Variants in CLIC5 observed in about 807,000 individuals in gnomAD.
CLIC5 encodes CLIC family member 5, also known as chloride intracellular channel protein 5.
Under a neutral mutation model 24.7 loss-of-function variants are expected in CLIC5, and 20 were observed. The observed-to-expected ratio is 0.81, with a 90% CI of 0.57 to 1.18. The LOEUF (loss-of-function observed/expected upper bound fraction) is 1.18. Ranked by LOEUF, CLIC5 falls within the 50% of genes most tolerant of loss-of-function variation. The probability of loss-of-function intolerance (pLI) is 0.00; values close to 1 mark genes in which losing one functional copy is unlikely to be tolerated. For missense variants in CLIC5, 341 were observed against 326.1 expected, an observed-to-expected ratio of 1.05 and a Z score of -0.35; for synonymous variants, 159 against 135.6, an observed-to-expected ratio of 1.17 and a Z score of -1.20.
upstream of CLIC5, among the ~76,000 whole-genome samples, chr6:46,017,845 C>T (rs753484637): frequency 1.3e-5 from 2 of 152,222 alleles, no homozygotes; most frequent in East Asian, 3.8e-4. Context: ...GATGTCCTCA[C>T]TACCCTTTAT....
At chr6:45,906,270 G>A (rs921350967) in intron 5 of CLIC5, among the ~76,000 whole-genome samples, 4 of 152,130 alleles carry the variant, frequency 2.6e-5, no homozygotes, top group Admixed American at 6.5e-5. Context: ...TAGATTGATA[G>A]GAATGGCATT....
the CLIC5 span, among the ~76,000 whole-genome samples, chr6:46,125,099 A>G: frequency 6.6e-6 from 1 of 152,348 alleles, no homozygotes; most frequent in Non-Finnish European, 1.5e-5. Context: ...AGGATTATAA[A>G]TCATGTTGCT....
rs1262233205 is a variant in CLIC5, at chr6:45,910,197, C to A, written c.588+4031G>T. The stretch of plus-strand genomic sequence containing the variant: ...ATCACAGGTTCTTCACTTCTGTACT[C>A]CTTGATAATCTCAATAATGATGTTG... On this transcript the variant is annotated intron_variant, in intron 5 of 5. Coordinates refer to ENST00000339561, the MANE Select transcript of CLIC5 (RefSeq NM_016929.5). 2.0e-5 allele frequency among the ~76,000 whole-genome samples: 3 copies of A among 152,150 alleles called. No homozygotes were observed. The East Asian group carries it at 5.8e-4, about 29-fold the overall frequency.
intron 5 of CLIC5, among the ~76,000 whole-genome samples, chr6:45,910,031 T>C (rs1358018135): frequency 6.6e-6 from 1 of 152,198 alleles, no homozygotes; most frequent in Non-Finnish European, 1.5e-5. Context: ...TTCACAGACA[T>C]CTGGGAACAT....
At chr6:45,913,030 C>T (rs1015795189) in intron 5 of CLIC5, among the ~76,000 whole-genome samples, 3 of 152,164 alleles carry the variant, frequency 2.0e-5, no homozygotes, top group Non-Finnish European at 2.9e-5. Flanking sequence ...GGGACTTGAG[C>T]TGAAAAATAA....
intron 1 of CLIC5, among the ~76,000 whole-genome samples, chr6:46,060,957 T>C (rs992933799): frequency 6.6e-6 from 1 of 152,224 alleles, no homozygotes; most frequent in African/African-American, 2.4e-5. Context: ...CAACTTGGAC[T>C]GTTTTCTTAT....
In CLIC5 at chr6:45,930,822, T is replaced by G. The variant is rs182421201; in HGVS notation, c.406+10725A>C. 1.4e-4 allele frequency among the ~76,000 whole-genome samples: 21 copies of G among 152,332 alleles called. No homozygotes were observed. The East Asian group carries it at 2.3e-3, about 17-fold the overall frequency. The stretch of plus-strand genomic sequence containing the variant: ...TATGCATTAATTCATCTAATTAACA[T>G]GACAAATCTTCAAGAGAGGGTGCTA... On this transcript the variant is annotated intron_variant, in intron 4 of 5. Transcript: ENST00000339561.
intron 1 of CLIC5, among the ~76,000 whole-genome samples, chr6:46,065,547 G>C (rs1052104860): frequency 1.3e-5 from 2 of 151,996 alleles, no homozygotes; most frequent in Admixed American, 6.6e-5. Context: ...TGCATAAAAA[G>C]TTGTAGCACA....
At chr6:45,998,512 C>T (rs564926898) in intron 1 of CLIC5, among the ~76,000 whole-genome samples, 15 of 152,316 alleles carry the variant, frequency 9.8e-5, no homozygotes, top group African/African-American at 3.4e-4. Context: ...CCACAAAAAC[C>T]TTTCTATGGA....
At chr6:46,010,817 T>TTATTGAC (rs1430845844) in intron 1 of CLIC5, among the ~76,000 whole-genome samples, 3 of 152,304 alleles carry the variant, frequency 2.0e-5, no homozygotes, top group African/African-American at 7.2e-5. Flanking sequence ...GTGTATTGCG[T>TTATTGAC]TATTGACTAC....
intron 1 of CLIC5, among the ~76,000 whole-genome samples, chr6:46,048,166 T>C (rs1167252365): frequency 6.6e-6 from 1 of 151,962 alleles, no homozygotes; most frequent in Non-Finnish European, 1.5e-5. Context: ...CCACGCCTGG[T>C]TAATTTTTGT....
chr6:45,958,453 T>C (rs1225629523), intron 1 of CLIC5, among the ~76,000 whole-genome samples: 7,109 of 20,278 alleles, frequency 0.35, 1,223 homozygotes, highest in African/African-American at 0.48. Context: ...TATATATATA[T>C]ATATATATAT....
At chr6:45,952,504 T>C (rs571382553) in intron 2 of CLIC5, among the ~76,000 whole-genome samples, 2 of 152,298 alleles carry the variant, frequency 1.3e-5, no homozygotes, top group African/African-American at 4.8e-5. Context: ...ATCCTATTGA[T>C]TAAGAAGACA....
intron 1 of CLIC5, among the ~76,000 whole-genome samples, chr6:46,025,426 A>T (rs1767303191): frequency 6.6e-6 from 1 of 152,180 alleles, no homozygotes; most frequent in South Asian, 2.1e-4. Context: ...GAAGAAGCTG[A>T]TATATACAAA....
chr6:46,112,619 G>A, the CLIC5 span, among the ~76,000 whole-genome samples: 82,917 of 152,096 alleles, frequency 0.55, 23,381 homozygotes, highest in Middle Eastern at 0.76. Context: ...ACACTTATTA[G>A]TAAACACAGT....
At chr6:46,053,811 G>A (rs1768172156) in intron 1 of CLIC5, among the ~76,000 whole-genome samples, 1 of 152,116 alleles carries the variant, frequency 6.6e-6, no homozygotes, top group Non-Finnish European at 1.5e-5. Context: ...ACTTTACCCT[G>A]GGGAGAGGCA....
rs576753393 is a variant in CLIC5, at chr6:45,965,323, C to T, written c.64-10079G>A. Among the ~76,000 whole-genome samples, 31 of 152,154 alleles carry T rather than the reference C, an allele frequency of 2.0e-4. No individual in the cohort carries two copies. The East Asian group carries it at 5.8e-3, about 28-fold the overall frequency. The stretch of plus-strand genomic sequence containing the variant: ...ATTGAATTTCTGTGAAAAGCAACAC[C>T]CTCCAACCAAACACCTTTTTCAAGT... On this transcript the variant is annotated intron_variant, in intron 1 of 5. Coordinates refer to ENST00000339561, the MANE Select transcript of CLIC5 (RefSeq NM_016929.5).
chr6:45,940,926 C>T (rs1393360273), intron 4 of CLIC5, among the ~76,000 whole-genome samples: 1 of 152,208 alleles, frequency 6.6e-6, no homozygotes, highest in Non-Finnish European at 1.5e-5. Context: ...GGGGACTCAG[C>T]TCCCTTTCAG....
intron 1 of CLIC5, among the ~76,000 whole-genome samples, chr6:46,043,982 G>A (rs926899839): frequency 2.0e-5 from 3 of 152,230 alleles, no homozygotes; most frequent in African/African-American, 7.2e-5. Context: ...TGGGGTAGGC[G>A]AAGTTGGATA....
Sources: gnomAD v4.1 joint callset for allele counts (sites outside exome capture counted in the v4.1 genomes callset) on GRCh38, gnomAD v4.1.1 for gene constraint, MANE v1.5 for transcripts, NCBI Gene and HGNC (gene_info 2026-07-23, HGNC 2026-07-21) for gene names.